HIP1: variants seen among roughly 807,000 people sequenced by gnomAD.
The protein encoded by HIP1 is huntingtin-interacting protein 1.
Under a neutral mutation model 147.6 loss-of-function variants are expected in HIP1, and 65 were observed. That is an observed-to-expected ratio of 0.44 (90% confidence interval 0.36 to 0.54). The LOEUF (loss-of-function observed/expected upper bound fraction) is 0.54, where lower values mean the gene tolerates loss of function less well. Ranked by LOEUF, HIP1 falls within the 20% of genes least tolerant of loss-of-function variation. HIP1 has a pLI of 0.00. For missense variants in HIP1, 1,061 were observed against 1,299.6 expected (o/e 0.82, Z 2.82); for synonymous variants, 479 against 504.0 (o/e 0.95, Z 0.67).
chr7:75,578,249 G>A (rs1795912576), intron 7 of HIP1, among the ~76,000 whole-genome samples: 1 of 152,174 alleles, frequency 6.6e-6, no homozygotes, highest in Admixed American at 6.6e-5. Context: ...GCAGGCAGCC[G>A]GCTCCAAGAA....
At chr7:75,570,323 G>A (rs1315632624) in intron 8 of HIP1, among the ~76,000 whole-genome samples, 1 of 140,688 alleles carries the variant, frequency 7.1e-6, no homozygotes, top group African/African-American at 2.7e-5. Context: ...ACGATGTCTC[G>A]CTCTGTCACC....
intron 1 of HIP1, among the ~76,000 whole-genome samples, chr7:75,721,654 C>G (rs1328147986): frequency 1.3e-5 from 2 of 152,198 alleles, no homozygotes; most frequent in African/African-American, 4.8e-5. Flanking sequence ...GCAACTGTAC[C>G]TGGGAGCCCT....
chr7:75,583,747 C>T (rs1446825311), intron 5 of HIP1, among the ~76,000 whole-genome samples: 4 of 129,436 alleles, frequency 3.1e-5, no homozygotes, highest in Non-Finnish European at 5.0e-5. Flanking sequence ...CACCACCATG[C>T]GGGCTAATTT....
intron 1 of HIP1, among the ~76,000 whole-genome samples, chr7:75,699,198 A>T (rs78819336): frequency 0.023 from 3,467 of 151,930 alleles, 258 homozygotes; most frequent in Admixed American, 0.14. Context: ...TCCTGCCTCG[A>T]CCTCCCAAGT....
intron 28 of HIP1, 42 bp from the exon 29 acceptor site, chr7:75,542,022 T>C (rs782679366): frequency 7.2e-6 from 11 of 1,534,906 alleles, no homozygotes; most frequent in South Asian, 6.7e-5. Context: ...AATTCTACCC[T>C]GGCTGACTGG....
intron 4 of HIP1, among the ~76,000 whole-genome samples, 193 bp downstream of exon 4, chr7:75,591,863 C>G (rs587639545): frequency 6.6e-6 from 1 of 152,188 alleles, no homozygotes; most frequent in African/African-American, 2.4e-5. Context: ...CCTGAAGCGT[C>G]CAGAGACCCC....
intron 1 of HIP1, among the ~76,000 whole-genome samples, chr7:75,600,550 C>A (rs1796937233): frequency 6.6e-6 from 1 of 152,118 alleles, no homozygotes; most frequent in Non-Finnish European, 1.5e-5. Flanking sequence ...GTCATTCTAT[C>A]CCTATAACCC....
Position 75,538,083 on chromosome 7 carries a change from C to T in HIP1, c.*89G>A. 1 of 1,072,986 alleles carries T rather than the reference C, an allele frequency of 9.3e-7. No individual in the cohort carries two copies. The highest frequency in any genetic ancestry group is 1.6e-5 in the African/African-American group (1 of 64,468). 66.5% of individuals were successfully genotyped at this position (1,072,986 alleles called of 1,614,324 possible). ...GGCAGTGGTGTGGCTGCCCCTGGGACTCCAAGGATTTGGCCTGTGGCTGGG... is the reference window on the plus strand; with the variant it reads ...GGCAGTGGTGTGGCTGCCCCTGGGATTCCAAGGATTTGGCCTGTGGCTGGG... On this transcript the variant is annotated 3_prime_UTR_variant, in exon 31 of 31. Coordinates refer to ENST00000336926, the MANE Select transcript of HIP1 (RefSeq NM_005338.7).
chr7:75,611,960 T>A, intron 1 of HIP1: 1 of 794,774 alleles, frequency 1.3e-6, no homozygotes, highest in Non-Finnish European at 1.5e-6. Context: ...TGGGAAACCC[T>A]CTGGCCTTGC....
chr7:75,627,913 T>C (rs1407797054), intron 1 of HIP1, among the ~76,000 whole-genome samples: 1 of 152,114 alleles, frequency 6.6e-6, no homozygotes, highest in Non-Finnish European at 1.5e-5. Flanking sequence ...CAATGAGCCA[T>C]GAGCTAAATC....
intron 1 of HIP1, among the ~76,000 whole-genome samples, chr7:75,719,775 C>T (rs4348431): frequency 0.15 from 23,117 of 152,060 alleles, 1,894 homozygotes; most frequent in Middle Eastern, 0.22. Context: ...CCCATGTCTG[C>T]CATCCTCTCT....
intron 7 of HIP1, among the ~76,000 whole-genome samples, chr7:75,576,405 G>A (rs1203791677): frequency 2.6e-5 from 4 of 152,148 alleles, no homozygotes; most frequent in African/African-American, 7.2e-5. Flanking sequence ...GGATGTCAGT[G>A]GGTGTCAAAA....
chr7:75,595,283 C>CCTTCCTTCCTTTCTTTCTCTCT, intron 2 of HIP1, among the ~76,000 whole-genome samples: 1 of 83,432 alleles, frequency 1.2e-5, no homozygotes, highest in African/African-American at 7.5e-5. Context: ...TTCCTTCCTT[C>CCTTCCTTCCTTTCTTTCTCTCT]CTTTCTTTCT....
chr7:75,589,575 C>T (rs587745038), intron 4 of HIP1, among the ~76,000 whole-genome samples: 17 of 147,380 alleles, frequency 1.2e-4, no homozygotes, highest in Admixed American at 6.9e-4. Context: ...TCTAGCTACT[C>T]GGGAGGCTGA....
chr7:75,586,359 C>A (rs1796279981), intron 5 of HIP1, among the ~76,000 whole-genome samples: 1 of 152,118 alleles, frequency 6.6e-6, no homozygotes, highest in East Asian at 1.9e-4. Flanking sequence ...TGCATCACCA[C>A]CATGGGTAAT....
At chr7:75,554,633 G>T in intron 19 of HIP1, 107 bp from the exon 20 acceptor site, 1 of 740,494 alleles carries the variant, frequency 1.4e-6, no homozygotes. Context: ...TAAGCTTCCT[G>T]CCTAGACGTG....
Position 75,555,422 on chromosome 7 carries a change from A to G in HIP1, c.1957T>C (p.Ser653Pro). Residue 653 changes from serine (S) to proline (P), a missense_variant, in exon 19 of 31, where the codon TCT becomes CCT. This residue lies in a region of HIP1 where 810 missense variants were observed against 946.8 expected (regional missense o/e 0.86). Transcript: ENST00000336926. Reference protein sequence around the residue: ...EEPPLISCAGSADHLLSTVTS... With the variant: ...EEPPLISCAGPADHLLSTVTS... ...TGGGCAATTGCAAGTGTACCTGCAG[A>G]CCCAGCGCAGCTGATGAGAGGAGGT... The G allele has an allele frequency of 6.2e-7, 1 of 1,613,602 alleles. No homozygotes were observed. The highest frequency in any genetic ancestry group is 8.5e-7 in the Non-Finnish European group (1 of 1,180,032).
At chr7:75,705,258 G>C (rs1383010948) in intron 1 of HIP1, among the ~76,000 whole-genome samples, 3 of 152,056 alleles carry the variant, frequency 2.0e-5, no homozygotes, top group Non-Finnish European at 2.9e-5. Flanking sequence ...CTTCATAGAA[G>C]TGGAATCATA....
intron 1 of HIP1, among the ~76,000 whole-genome samples, chr7:75,635,220 G>A (rs1015085577): frequency 3.3e-5 from 5 of 152,036 alleles, no homozygotes; most frequent in Non-Finnish European, 5.9e-5. Flanking sequence ...TTCATGGGTC[G>A]CAGCAGCTGG....
Sources: allele counts gnomAD v4.1 joint callset (sites outside exome capture counted in the v4.1 genomes callset), GRCh38; gene constraint gnomAD v4.1.1; regional missense constraint gnomAD v4.1.1; transcripts MANE v1.5; gene names NCBI Gene and HGNC (gene_info 2026-07-23, HGNC 2026-07-21).